NCOA1: variants seen among roughly 807,000 people sequenced by gnomAD.
NCOA1 encodes the protein nuclear receptor coactivator 1, also known as Hin-2 protein.
NCOA1 carries 35 observed loss-of-function variants against 150.9 expected under a neutral mutation model. The ratio of observed to expected loss-of-function variants is 0.23; its 90% CI spans 0.18 to 0.31. The LOEUF (loss-of-function observed/expected upper bound fraction) is 0.31. Ranked by LOEUF, NCOA1 falls within the 10% of genes least tolerant of loss-of-function variation. The pLI, the probability that NCOA1 is intolerant of heterozygous loss-of-function variation, is 1.00. For missense variants in NCOA1, 1,491 were observed against 1,749.3 expected, an observed-to-expected ratio of 0.85 and a Z score of 2.63; for synonymous variants, 590 against 630.0, an observed-to-expected ratio of 0.94 and a Z score of 0.95.
chr2:24,761,854 A>T (rs1478054274), intron 21 of NCOA1, among the ~76,000 whole-genome samples: 1 of 152,242 alleles, frequency 6.6e-6, no homozygotes, highest in Admixed American at 6.5e-5. Flanking sequence ...ATGCTACATG[A>T]TACTACATGA....
At chr2:24,550,529 C>T (rs868567516) in intron 1 of NCOA1, among the ~76,000 whole-genome samples, 4 of 152,160 alleles carry the variant, frequency 2.6e-5, no homozygotes. Flanking sequence ...TATTCACTAC[C>T]ATGAGAACAG....
intron 2 of NCOA1, among the ~76,000 whole-genome samples, chr2:24,578,579 C>T (rs1667078640): frequency 6.6e-6 from 1 of 152,074 alleles, no homozygotes; most frequent in South Asian, 2.1e-4. Flanking sequence ...AGTTCAACAT[C>T]ATTGGTAGTT....
chr2:24,615,173 C>A (rs1416568830), intron 3 of NCOA1, among the ~76,000 whole-genome samples: 1 of 152,034 alleles, frequency 6.6e-6, no homozygotes, highest in African/African-American at 2.4e-5. Context: ...CAGAATATAG[C>A]AAGAAAAATA....
At chr2:24,603,758 G>A (rs936410360) in intron 3 of NCOA1, among the ~76,000 whole-genome samples, 3 of 152,158 alleles carry the variant, frequency 2.0e-5, no homozygotes, top group Non-Finnish European at 4.4e-5. Context: ...ACTCATAAAA[G>A]TCATCCATGA....
intron 1 of NCOA1, among the ~76,000 whole-genome samples, chr2:24,506,467 A>G (rs1485723380): frequency 6.6e-6 from 1 of 152,148 alleles, no homozygotes; most frequent in Non-Finnish European, 1.5e-5. Context: ...TTGTGATGAC[A>G]TTGAAGGCTA....
chr2:24,612,782 C>T (rs1167482844), intron 3 of NCOA1, among the ~76,000 whole-genome samples: 1 of 152,102 alleles, frequency 6.6e-6, no homozygotes, highest in East Asian at 1.9e-4. Context: ...TCCTTCATTT[C>T]TTAGAATGAT....
chr2:24,523,372 C>T (rs1407598311), intron 1 of NCOA1, among the ~76,000 whole-genome samples: 1 of 151,670 alleles, frequency 6.6e-6, no homozygotes, highest in Admixed American at 6.6e-5. Flanking sequence ...TTTGGGAGGC[C>T]GAGGCGAGTG....
At chr2:24,522,596 C>G (rs1664461139) in intron 1 of NCOA1, among the ~76,000 whole-genome samples, 1 of 151,920 alleles carries the variant, frequency 6.6e-6, no homozygotes, top group South Asian at 2.1e-4. Flanking sequence ...GAGGTTAGGT[C>G]CTGATTTAGC....
intron 17 of NCOA1, among the ~76,000 whole-genome samples, chr2:24,735,953 G>A (rs1355467267): frequency 6.6e-6 from 1 of 152,186 alleles, no homozygotes; most frequent in African/African-American, 2.4e-5. Flanking sequence ...TGGGCACAGT[G>A]GCTCATGCCT....
intron 14 of NCOA1, among the ~76,000 whole-genome samples, chr2:24,716,536 A>T (rs551760854): frequency 9.8e-5 from 15 of 152,300 alleles, no homozygotes; most frequent in African/African-American, 3.6e-4. Context: ...CTCATCCCAT[A>T]CACAAAAAAA....
chr2:24,705,504 C>A (rs182559571), intron 12 of NCOA1, among the ~76,000 whole-genome samples: 94 of 152,248 alleles, frequency 6.2e-4, no homozygotes, highest in Admixed American at 2.9e-3. Flanking sequence ...AAATTTACAA[C>A]ATTCCATATG....
chr2:24,621,432 A>ATTTTTTTTTTTTTTTTTTTTTTT (rs1162282258), intron 3 of NCOA1, among the ~76,000 whole-genome samples: 2 of 38,892 alleles, frequency 5.1e-5, no homozygotes, highest in African/African-American at 2.3e-4. Context: ...ATTCAGGCAG[A>ATTTTTTTTTTTTTTTTTTTTTTT]TTTTTTTTTT....
intron 3 of NCOA1, among the ~76,000 whole-genome samples, chr2:24,591,648 G>A (rs1667663340): frequency 6.6e-6 from 1 of 152,036 alleles, no homozygotes; most frequent in Admixed American, 6.6e-5. Flanking sequence ...CCTCTAATAT[G>A]CCAAGCTCCC....
At chr2:24,709,598 C>G (rs1258307529) in intron 13 of NCOA1, among the ~76,000 whole-genome samples, 3 of 152,146 alleles carry the variant, frequency 2.0e-5, no homozygotes, top group Non-Finnish European at 4.4e-5. Context: ...AGTGCTAAGG[C>G]TTACCTTTTC....
chr2:24,619,661 AT>A (rs1185866583), intron 3 of NCOA1, among the ~76,000 whole-genome samples: 1 of 152,162 alleles, frequency 6.6e-6, no homozygotes, highest in Non-Finnish European at 1.5e-5. Flanking sequence ...TAGAATACTT[AT>A]GGTGTAATTA....
At chr2:24,560,738 C>T (rs1666263054) in intron 1 of NCOA1, among the ~76,000 whole-genome samples, 1 of 152,080 alleles carries the variant, frequency 6.6e-6, no homozygotes, top group Non-Finnish European at 1.5e-5. Flanking sequence ...TGAGATTGGG[C>T]AGCTTTAAGA....
In NCOA1 at chr2:24,742,038, G is replaced by A. The variant is rs531091549; in HGVS notation, c.3558G>A (p.Pro1186=). Residue 1186 remains proline (P), a synonymous_variant, in exon 19 of 23, where the codon CCG becomes CCA. Coordinates refer to ENST00000348332, the MANE Select transcript of NCOA1 (RefSeq NM_003743.5). ...NPGTPPASTS[P]FSQLAANPEA... ...GAACCCCACCTGCTTCTACCAGCCC[G>A]TTTTCACAACTAGCAGCAAATCCTG... 175 of 1,614,164 alleles carry A rather than the reference G, an allele frequency of 1.1e-4. No individual in the cohort carries two copies. The Admixed American group carries it at 1.2e-3, about 11-fold the overall frequency.
At chr2:24,620,709 GTTT>G (rs1490425815) in intron 3 of NCOA1, among the ~76,000 whole-genome samples, 32 of 144,732 alleles carry the variant, frequency 2.2e-4, no homozygotes, top group African/African-American at 8.9e-4. Context: ...TTTTTAAAGT[GTTT>G]TGTATGTTCA....
chr2:24,611,774 C>T (rs2148386137), intron 3 of NCOA1, among the ~76,000 whole-genome samples: 1 of 152,142 alleles, frequency 6.6e-6, no homozygotes, highest in East Asian at 1.9e-4. Flanking sequence ...CATGATAGAT[C>T]TTTCTCCAAC....
Sources: allele counts gnomAD v4.1 joint callset (sites outside exome capture counted in the v4.1 genomes callset), GRCh38; gene constraint gnomAD v4.1.1; transcripts MANE v1.5; gene names NCBI Gene and HGNC (gene_info 2026-07-23, HGNC 2026-07-21).